The following VPS39 variants were observed in gnomAD, a reference collection of about 807,000 sequenced individuals.
The protein encoded by VPS39 is vam6/Vps39-like protein.
In VPS39, 70 loss-of-function variants were observed where a neutral mutation model predicts 121.0. The observed-to-expected ratio is 0.58, with a 90% CI of 0.48 to 0.71. The LOEUF (loss-of-function observed/expected upper bound fraction) is 0.71, where lower values mean the gene tolerates loss of function less well. Ranked by LOEUF, VPS39 falls within the 30% of genes least tolerant of loss-of-function variation. The probability of loss-of-function intolerance (pLI) is 0.00; values close to 1 mark genes in which losing one functional copy is unlikely to be tolerated. For missense variants in VPS39, 818 were observed against 1,051.5 expected (o/e 0.78, Z 3.07); for synonymous variants, 378 against 398.1 (o/e 0.95, Z 0.60).
chr15:42,165,406 G>A (rs917971615), intron 17 of VPS39: 7 of 513,482 alleles, frequency 1.4e-5, no homozygotes, highest in Admixed American at 3.6e-5. Flanking sequence ...CTGCATCCTG[G>A]TACTTAAGCC....
intron 2 of VPS39, among the ~76,000 whole-genome samples, chr15:42,195,400 C>A (rs2049916342): frequency 6.6e-6 from 1 of 152,172 alleles, no homozygotes; most frequent in South Asian, 2.1e-4. Flanking sequence ...TCTGGCGAAA[C>A]CCCATCACTA....
chr15:42,162,490 G>A lies in VPS39; in HGVS notation c.2176-9C>T. Reference sequence around the variant, plus strand: ...AGCAGGGACAGATACACCTGTCTCAGAGAGACATGAGCTACGTCAGGCTGG... The same window carrying A: ...AGCAGGGACAGATACACCTGTCTCAAAGAGACATGAGCTACGTCAGGCTGG... On this transcript the variant is annotated splice_polypyrimidine_tract_variant and intron_variant, in intron 21 of 24. Coordinates refer to ENST00000318006, the MANE Select transcript of VPS39 (RefSeq NM_015289.5). 1 of 1,588,016 alleles carries A rather than the reference G, an allele frequency of 6.3e-7. No homozygotes were observed. The highest frequency in any genetic ancestry group is 8.6e-7 in the Non-Finnish European group (1 of 1,162,712).
intron 21 of VPS39, among the ~76,000 whole-genome samples, chr15:42,163,115 G>A (rs1041993524): frequency 1.3e-5 from 2 of 152,180 alleles, no homozygotes; most frequent in South Asian, 2.1e-4. Flanking sequence ...CAAATCAAGA[G>A]AGTAAAGAGA....
At chr15:42,206,281 G>T (rs999358142) in intron 1 of VPS39, among the ~76,000 whole-genome samples, 1 of 152,176 alleles carries the variant, frequency 6.6e-6, no homozygotes, top group Non-Finnish European at 1.5e-5. Flanking sequence ...TTAAAAAGGG[G>T]TAATGACTAG....
chr15:42,167,706 T>C (rs1435654118), intron 12 of VPS39, among the ~76,000 whole-genome samples, 169 bp from the exon 13 acceptor site: 1 of 152,202 alleles, frequency 6.6e-6, no homozygotes, highest in African/African-American at 2.4e-5. Flanking sequence ...CAACAATTAT[T>C]TATTGAATAT....
intron 10 of VPS39, among the ~76,000 whole-genome samples, chr15:42,177,983 C>T (rs934675008): frequency 7.9e-5 from 12 of 152,182 alleles, no homozygotes; most frequent in African/African-American, 1.7e-4. Flanking sequence ...CTTAATTCTA[C>T]AAGGTACTAT....
intron 10 of VPS39, among the ~76,000 whole-genome samples, chr15:42,175,538 C>G (rs918661967): frequency 3.9e-5 from 6 of 152,066 alleles, no homozygotes; most frequent in African/African-American, 1.4e-4. Flanking sequence ...TTCCTCATAA[C>G]CTATTTTCCC....
At chr15:42,185,091 G>T (rs1041877016) in intron 7 of VPS39, among the ~76,000 whole-genome samples, 1 of 151,992 alleles carries the variant, frequency 6.6e-6, no homozygotes, top group African/African-American at 2.4e-5. Flanking sequence ...CCAGGCATTT[G>T]CCCAGGAATG....
At chr15:42,166,059 A>C (rs1285781056) in intron 16 of VPS39, 100 bp downstream of exon 16, 1 of 1,241,562 alleles carries the variant, frequency 8.1e-7, no homozygotes, top group Non-Finnish European at 1.2e-6. Flanking sequence ...ACCAATGAAG[A>C]CAGATGCATG....
rs1223197693 is a variant in VPS39, at chr15:42,178,488, G to A, written c.801C>T (p.Ser267=). ...RTFEPRLLVQ[S]IELQRPRFIT... Reference sequence around the variant, plus strand: ...TGAAACGGGGCCTTTGCAATTCAATGCTTTGGACCAGAAGCCTCGGTTCAA... The same window carrying A: ...TGAAACGGGGCCTTTGCAATTCAATACTTTGGACCAGAAGCCTCGGTTCAA... Residue 267 remains serine (S), a synonymous_variant, in exon 9 of 25, where the codon AGC becomes AGT. Transcript: ENST00000318006. 3 of 1,614,152 alleles carry A rather than the reference G, an allele frequency of 1.9e-6. No individual in the cohort carries two copies. In the South Asian group the frequency reaches 3.3e-5, roughly 18 times the overall value.
In VPS39 at chr15:42,166,609, G is replaced by C. The variant is rs771012657; in HGVS notation, c.1560C>G (p.Ser520=). ...CTGTCCTCTCGTGGCCTTTCAGAGGGGAGTTGGCTTTCTTGGACTGGTCCA... is the reference window on the plus strand; with the variant it reads ...CTGTCCTCTCGTGGCCTTTCAGAGGCGAGTTGGCTTTCTTGGACTGGTCCA... ...VLVDQSKKAN[S]PLKGHERTVQ... Residue 520 remains serine, a synonymous_variant, in exon 15 of 25, where the codon TCC becomes TCG. Transcript: ENST00000318006. The C allele has an allele frequency of 2.4e-5, 39 of 1,614,078 alleles. No individual in the cohort carries two copies. Among genetic ancestry groups the C allele is most frequent in the Non-Finnish European group, 3.3e-5 (39 of 1,180,032 alleles).
chr15:42,191,586 A>G, intron 2 of VPS39, 26 bp from the exon 3 acceptor site: 2 of 1,601,748 alleles, frequency 1.2e-6, no homozygotes, highest in Non-Finnish European at 1.7e-6. Flanking sequence ...AAACACTGGT[A>G]GTTCCAAATA....
In VPS39 at chr15:42,165,790, C is replaced by T; in HGVS notation, c.1707G>A (p.Val569=). The change falls in exon 17 of 25, where the codon GTG becomes GTA. Residue 569 remains valine, a synonymous_variant. Transcript: ENST00000318006. The part of the protein sequence containing the change: ...LKIFTEDLPE[V]ESLPRDRVLG... ...GGACTCGATCACGTGGCAGAGACTCCACTTCCGGGAGATCTTCAGTAAATA... is the reference window on the plus strand; with the variant it reads ...GGACTCGATCACGTGGCAGAGACTCTACTTCCGGGAGATCTTCAGTAAATA... 2 of 1,614,192 alleles carry T rather than the reference C, an allele frequency of 1.2e-6. No homozygotes were observed. Among genetic ancestry groups the T allele is most frequent in the Non-Finnish European group, 1.7e-6 (2 of 1,180,034 alleles).
At chr15:42,180,137 T>C (rs2049551924) in intron 8 of VPS39, among the ~76,000 whole-genome samples, 1 of 152,158 alleles carries the variant, frequency 6.6e-6, no homozygotes, top group Non-Finnish European at 1.5e-5. Flanking sequence ...TAGTCTGTGG[T>C]ATTCTGTTAT....
Position 42,187,813 on chromosome 15 carries a change from A to G in VPS39, c.386T>C (p.Val129Ala). Residue 129 changes from valine (V) to alanine (A), a missense_variant, in exon 6 of 25, where the codon GTA becomes GCA. Transcript: ENST00000318006. ...GAAATAGAGCTGCAGCTTCTTTTTT[A>G]CTGCCACACACATCCGTAACACCTC... ...GEEVLRMCVAVKKKLQLYFWK... is the reference protein window; with the variant it reads ...GEEVLRMCVAAKKKLQLYFWK... 1 of 1,614,178 alleles carries G rather than the reference A, an allele frequency of 6.2e-7. No homozygotes were observed. The highest frequency in any genetic ancestry group is 8.5e-7 in the Non-Finnish European group (1 of 1,180,028).
chr15:42,171,921 G>A (rs1381811599), intron 11 of VPS39, among the ~76,000 whole-genome samples: 1 of 152,076 alleles, frequency 6.6e-6, no homozygotes, highest in African/African-American at 2.4e-5. Context: ...CAGAAGCAGA[G>A]GGGAGCCAAA....
intron 21 of VPS39, 109 bp from the exon 22 acceptor site, chr15:42,162,590 A>T: frequency 7.8e-7 from 1 of 1,289,820 alleles, no homozygotes; most frequent in Non-Finnish European, 1.0e-6. Context: ...AACAGCTATC[A>T]CTGAGCATGT....
In VPS39 at chr15:42,166,064, T is replaced by C; in HGVS notation, c.1680+95A>G. 4 of 1,265,350 alleles carry C rather than the reference T, an allele frequency of 3.2e-6. No homozygotes were observed. In the Middle Eastern group the frequency reaches 5.6e-4, roughly 177 times the overall value. The allele number at this position is 1,265,350 out of a possible 1,614,324, so 78.4% of individuals were successfully genotyped here. On this transcript the variant is annotated intron_variant, in intron 16 of 24. Coordinates refer to ENST00000318006, the MANE Select transcript of VPS39 (RefSeq NM_015289.5). ...TTCTTCATGCACCAATGAAGACAGA[T>C]GCATGAATCCACCCTCCTCTCCATC...
rs1436030660 is a variant in VPS39, at chr15:42,163,479, GC to G, written c.2130-85del. 1.9e-6 allele frequency: 3 copies of G among 1,590,158 alleles called. No homozygotes were observed. The Admixed American group carries it at 5.0e-5, about 27-fold the overall frequency. ...GCTGTGCGTGCAGCCTGCTCGAGCA[GC>G]CTAACCACAGCCAAAACTGCGGGCC... is the stretch of plus-strand genomic sequence containing the variant. On this transcript the variant is annotated intron_variant, in intron 20 of 24. Transcript: ENST00000318006.
Sources: gnomAD v4.1 joint callset for allele counts (sites outside exome capture counted in the v4.1 genomes callset) on GRCh38, gnomAD v4.1.1 for gene constraint, MANE v1.5 for transcripts, NCBI Gene and HGNC (gene_info 2026-07-23, HGNC 2026-07-21) for gene names.